The following FREM1 variants were observed in gnomAD, a reference collection of about 807,000 sequenced individuals.
The protein encoded by FREM1 is FRAS1 related extracellular matrix 1.
Under a neutral mutation model 210.1 loss-of-function variants are expected in FREM1, and 220 were observed. The observed-to-expected ratio is 1.05, with a 90% CI of 0.94 to 1.17. FREM1 has a LOEUF of 1.17. FREM1 is among the 50% of genes most tolerant of loss of function. The probability of loss-of-function intolerance (pLI) is 0.00; values close to 1 mark genes in which losing one functional copy is unlikely to be tolerated. For missense variants in FREM1, 3,454 were observed against 2,675.5 expected, an observed-to-expected ratio of 1.29 and a Z score of -6.42; for synonymous variants, 1,189 against 980.2, an observed-to-expected ratio of 1.21 and a Z score of -3.98.
At position 14,748,527 on chromosome 9, in the gene FREM1, A is replaced by G. The variant is rs756654353; in HGVS notation, c.5670T>C (p.Phe1890=). ...GSSSSTTSGS[F]HLERRPLPSS... ...ATGGAAGAGGTCTTCTTTCCAGATG[A>G]AAGGAACCAGAAGTGGTGGATGAGG... Residue 1890 remains phenylalanine (F), a synonymous_variant, in exon 31 of 37, where the codon TTT becomes TTC. Transcript: ENST00000380880. 66 of 1,613,734 alleles carry G rather than the reference A, an allele frequency of 4.1e-5. No homozygotes were observed. The South Asian group carries it at 6.7e-4, about 16-fold the overall frequency.
intron 4 of FREM1, among the ~76,000 whole-genome samples, chr9:14,857,956 C>T (rs373794259): frequency 3.3e-5 from 5 of 152,232 alleles, no homozygotes; most frequent in East Asian, 3.9e-4. Context: ...GTTGTCTCAT[C>T]GTGCCCTCAC....
In FREM1 at chr9:14,824,034, T is replaced by C; in HGVS notation, c.2160A>G (p.Ser720=). Residue 720 remains serine, a synonymous_variant, in exon 12 of 37, where the codon TCA becomes TCG. Coordinates refer to ENST00000380880, the MANE Select transcript of FREM1 (RefSeq NM_001379081.2). The part of the protein sequence containing the change: ...VKNPTALELR[S]FTQHAVNYMK... Reference sequence around the variant, plus strand: ...TAGCATATCCTCATACCTGAGTGAATGACCTCAGCTCCAGGGCCGTAGGAT... The same window carrying C: ...TAGCATATCCTCATACCTGAGTGAACGACCTCAGCTCCAGGGCCGTAGGAT... The C allele has an allele frequency of 6.3e-7, 1 of 1,588,462 alleles. No individual in the cohort carries two copies. The highest frequency in any genetic ancestry group is 1.2e-5 in the South Asian group (1 of 86,900).
At chr9:14,861,091 A>G (rs1830265347) in intron 3 of FREM1, among the ~76,000 whole-genome samples, 2 of 86,774 alleles carry the variant, frequency 2.3e-5, no homozygotes, top group Non-Finnish European at 4.7e-5. Flanking sequence ...ATATACACAT[A>G]TATATAAACA....
chr9:14,851,338 C>T lies in FREM1; in HGVS notation c.1098G>A (p.Met366Ile), dbSNP rs779344194. The T allele has an allele frequency of 4.2e-5, 68 of 1,610,872 alleles. No individual in the cohort carries two copies. The highest frequency in any genetic ancestry group is 1.1e-5 in the Non-Finnish European group (13 of 1,177,842). Residue 366 changes from methionine (M) to isoleucine (I), a missense_variant, in exon 6 of 37, where the codon ATG (methionine) becomes ATA (isoleucine). Coordinates refer to ENST00000380880, the MANE Select transcript of FREM1 (RefSeq NM_001379081.2). ...SSFTWKDLSD[M>I]QIAYQPPNSS... ...TGTTTGGTGGCTGATAGGCGATCTG[C>T]ATGTCACTGAGATCTTTCCAGGTGA... is the stretch of plus-strand genomic sequence containing the variant.
chr9:14,851,678 CA>C (rs1827787837), intron 5 of FREM1, 71 bp from the exon 6 acceptor site: 1 of 1,192,312 alleles, frequency 8.4e-7, no homozygotes, highest in South Asian at 1.2e-5. Flanking sequence ...GGGCTAATAG[CA>C]TAATATTTAA....
intron 7 of FREM1, among the ~76,000 whole-genome samples, chr9:14,848,021 GC>G (rs2131329922): frequency 6.6e-6 from 1 of 152,278 alleles, no homozygotes; most frequent in South Asian, 2.1e-4. Flanking sequence ...CGTTTAAGCT[GC>G]CACCTGAGGA....
intron 19 of FREM1, among the ~76,000 whole-genome samples, chr9:14,804,372 T>A (rs774737881): frequency 1.3e-4 from 20 of 152,012 alleles, no homozygotes; most frequent in Non-Finnish European, 2.2e-4. Context: ...GATCACGAGG[T>A]CAGGAGATCA....
Position 14,819,338 on chromosome 9 carries a change from G to A in FREM1, c.2442C>T (p.Leu814=), listed in dbSNP as rs779891772. 3.7e-6 allele frequency: 6 copies of A among 1,613,568 alleles called. No homozygotes were observed. The highest frequency in any genetic ancestry group is 2.2e-5 in the East Asian group (1 of 44,864). ...DADTKLDNID[L]SLRELPLHGR... is the part of the protein sequence containing the mutation. ...CGTGCAGAGGCAATTCCCGCAGGGAGAGGTCAATATTGTCCAGCTTGGTAT... is the reference window on the plus strand; with the variant it reads ...CGTGCAGAGGCAATTCCCGCAGGGAAAGGTCAATATTGTCCAGCTTGGTAT... The change falls in exon 14 of 37, where the codon CTC becomes CTT. Residue 814 remains leucine (L), a synonymous_variant. Transcript: ENST00000380880.
Position 14,863,813 on chromosome 9 carries a change from A to G in FREM1, c.325T>C (p.Tyr109His). The G allele has an allele frequency of 6.2e-7, 1 of 1,604,300 alleles. No individual in the cohort carries two copies. The highest frequency in any genetic ancestry group is 2.2e-5 in the East Asian group (1 of 44,834). The part of the protein sequence containing the change: ...LDEDTVKLRL[Y>H]RFTERDTFIE... ...CGATGTTCCCGTGCCGCTTACCTGT[A>G]AAGTCTGAGCTTCACTGTGTCTTCA... The change falls in exon 3 of 37, where the codon TAC becomes CAC. Residue 109 changes from tyrosine to histidine, a missense_variant. Tyr to His is a moderately conservative substitution (Grantham distance 83). Coordinates refer to ENST00000380880, the MANE Select transcript of FREM1 (RefSeq NM_001379081.2).
intron 21 of FREM1, among the ~76,000 whole-genome samples, chr9:14,796,898 C>T (rs1292198534): frequency 6.6e-6 from 1 of 152,128 alleles, no homozygotes; most frequent in Admixed American, 6.5e-5. Flanking sequence ...CAGACTAATA[C>T]AGGGAGATAC....
At chr9:14,860,420 C>A (rs1375934563) in intron 3 of FREM1, among the ~76,000 whole-genome samples, 1 of 151,796 alleles carries the variant, frequency 6.6e-6, no homozygotes, top group Admixed American at 6.6e-5. Flanking sequence ...ACTCTTCCAG[C>A]CTCCCAGCAG....
At chr9:14,898,712 A>C (rs942858098) in intron 1 of FREM1, among the ~76,000 whole-genome samples, 2 of 152,232 alleles carry the variant, frequency 1.3e-5, no homozygotes, top group African/African-American at 4.8e-5. Context: ...ACTACATTCC[A>C]GCCTGGGCGA....
chr9:14,822,228 T>C (rs1821489817), intron 13 of FREM1, among the ~76,000 whole-genome samples: 1 of 152,100 alleles, frequency 6.6e-6, no homozygotes, highest in Non-Finnish European at 1.5e-5. Context: ...AATTACCCAG[T>C]CTCGGGTATG....
Position 14,818,229 on chromosome 9 carries a change from T to C in FREM1, c.2546+1005A>G, listed in dbSNP as rs150028868. Among the ~76,000 whole-genome samples, 56 of 152,354 alleles carry C rather than the reference T, an allele frequency of 3.7e-4. No individual in the cohort carries two copies. In the East Asian group the frequency reaches 0.01, roughly 28 times the overall value. On this transcript the variant is annotated intron_variant, in intron 14 of 36. Coordinates refer to ENST00000380880, the MANE Select transcript of FREM1 (RefSeq NM_001379081.2). ...TACTGTTTATCCATCATTCACTCCG[T>C]AGCAAGAATTACCTAAACAGGGCTC...
chr9:14,804,165 T>C (rs1327368159), intron 19 of FREM1, among the ~76,000 whole-genome samples: 1 of 152,188 alleles, frequency 6.6e-6, no homozygotes, highest in African/African-American at 2.4e-5. Flanking sequence ...ATGCATTTTC[T>C]CACAAGAAAG....
intron 24 of FREM1, among the ~76,000 whole-genome samples, chr9:14,776,790 A>T (rs1848665095): frequency 6.6e-6 from 1 of 152,208 alleles, no homozygotes; most frequent in African/African-American, 2.4e-5. Flanking sequence ...TCCAGGCCTC[A>T]TTTCCATGGC....
intron 10 of FREM1, among the ~76,000 whole-genome samples, chr9:14,828,977 T>C (rs1287495777): frequency 6.6e-6 from 1 of 152,200 alleles, no homozygotes; most frequent in Admixed American, 6.5e-5. Flanking sequence ...AATTTTCTTA[T>C]TAGTAAGTTA....
chr9:14,855,969 A>T (rs1828660089), intron 5 of FREM1, among the ~76,000 whole-genome samples: 1 of 152,172 alleles, frequency 6.6e-6, no homozygotes, highest in Non-Finnish European at 1.5e-5. Context: ...CTATAGACCT[A>T]GTGTTTAGGT....
At chr9:14,841,250 T>A (rs1035030855) in intron 10 of FREM1, among the ~76,000 whole-genome samples, 197 bp downstream of exon 10, 1 of 152,234 alleles carries the variant, frequency 6.6e-6, no homozygotes, top group African/African-American at 2.4e-5. Context: ...ACTGAATACA[T>A]AGATATCTAT....
Sources: gnomAD v4.1 joint callset for allele counts (sites outside exome capture counted in the v4.1 genomes callset) on GRCh38, gnomAD v4.1.1 for gene constraint, MANE v1.5 for transcripts, NCBI Gene and HGNC (gene_info 2026-07-23, HGNC 2026-07-21) for gene names.